The following MTA3 variants were observed in gnomAD, a reference collection of about 807,000 sequenced individuals.
MTA3 encodes metastasis associated 1 family member 3.
In MTA3, 34 loss-of-function variants were observed where a neutral mutation model predicts 83.5. The observed-to-expected ratio is 0.41, with a 90% CI of 0.31 to 0.54. The LOEUF is 0.54. Among genes scored for constraint, MTA3 ranks in the 20% least tolerant of loss-of-function variants. MTA3 has a pLI of 0.33. For synonymous variants in MTA3, 303 were observed against 252.7 expected (o/e 1.20, Z -1.89); for missense variants, 761 against 726.4 (o/e 1.05, Z -0.55).
rs187589461 is a variant in MTA3 at position 42,554,591 on chromosome 2, G to A, written c.-140-15846G>A. Among the ~76,000 whole-genome samples the A allele has an allele frequency of 2.6e-3, 400 of 152,226 alleles. 4 individuals are homozygous for A. Among genetic ancestry groups the A allele is most frequent in the Non-Finnish European group, 2.2e-3 (147 of 68,014 alleles). On this transcript the variant is annotated intron_variant, in intron 2 of 17. Coordinates refer to the MTA3 transcript ENST00000405592. ...GACTGCTGTTGAGATGCAAGTGAGG[G>A]ACCCCACAGGGAGGGAAAAAAAACA...
chr2:42,666,799 CAT>C (rs1029168275), intron 8 of MTA3, among the ~76,000 whole-genome samples: 1 of 151,982 alleles, frequency 6.6e-6, no homozygotes, highest in Non-Finnish European at 1.5e-5. Context: ...TAGTGCCTGG[CAT>C]ATATATATAG....
chr2:42,546,013 T>C (rs1336509536), intron 2 of MTA3, among the ~76,000 whole-genome samples: 4 of 152,144 alleles, frequency 2.6e-5, no homozygotes, highest in African/African-American at 7.2e-5. Context: ...ATGATAATGG[T>C]ACTATTTAAA....
chr2:42,603,436 T>C (rs531842451), intron 3 of MTA3, among the ~76,000 whole-genome samples: 1 of 152,308 alleles, frequency 6.6e-6, no homozygotes, highest in African/African-American at 2.4e-5. Context: ...TAAAATTCCA[T>C]ATGGACTTGG....
chr2:42,719,167 C>T, intron 15 of MTA3, 93 bp downstream of exon 15: 2 of 925,594 alleles, frequency 2.2e-6, no homozygotes, highest in Non-Finnish European at 3.4e-6. Context: ...TAAACTAATT[C>T]AGGCCCTTCA....
chr2:42,647,134 G>A (rs1688274168), intron 6 of MTA3, among the ~76,000 whole-genome samples: 1 of 85,616 alleles, frequency 1.2e-5, no homozygotes, highest in African/African-American at 5.8e-5. Flanking sequence ...TCCAGCCTGG[G>A]TGACAGAGTG....
At chr2:42,585,561 G>A (rs6716590) in intron 3 of MTA3, among the ~76,000 whole-genome samples, 113,354 of 149,084 alleles carry the variant, frequency 0.76, 43,407 homozygotes, top group Middle Eastern at 0.88. Flanking sequence ...TGCAACCTCC[G>A]CCTCGTGGGT....
rs1464345810 is a variant in MTA3, at chr2:42,754,113, C to T, written c.*714C>T. Reference sequence around the variant, plus strand: ...GTTGGAGAGAAACTGGTGTTCTGCCCGGCTCTGCTTGGTCACAGACAGCTC... The same window carrying T: ...GTTGGAGAGAAACTGGTGTTCTGCCTGGCTCTGCTTGGTCACAGACAGCTC... On this transcript the variant is annotated 3_prime_UTR_variant, in exon 17 of 17. Coordinates refer to ENST00000405094, the MANE Select transcript of MTA3 (RefSeq NM_001330442.2). 9.1e-6 allele frequency: 9 copies of T among 985,424 alleles called. No homozygotes were observed. In the South Asian group the frequency reaches 1.4e-4, roughly 15 times the overall value. 61.0% of individuals were successfully genotyped at this position (985,424 alleles called of 1,614,324 possible).
At chr2:42,720,382 C>T (rs1667318526) in intron 15 of MTA3, among the ~76,000 whole-genome samples, 1 of 152,012 alleles carries the variant, frequency 6.6e-6, no homozygotes, top group Admixed American at 6.6e-5. Flanking sequence ...GGGGTTTCAC[C>T]TTGTTAGCCA....
Position 42,708,947 on chromosome 2 carries a change from A to G in MTA3, c.1376A>G (p.Lys459Arg). Residue 459 changes from lysine to arginine, a missense_variant, in exon 14 of 17, where the codon AAG becomes AGG. By Grantham distance (26) the Lys-to-Arg change is conservative (BLOSUM62 2). Transcript: ENST00000405094. ...GMPVRNTGSP[K>R]SAVKTRQAFF... ...CCAGTCCGAAACACTGGGAGTCCAAAGTCTGCAGTGAAGACCCGCCAAGCT... is the reference window on the plus strand; with the variant it reads ...CCAGTCCGAAACACTGGGAGTCCAAGGTCTGCAGTGAAGACCCGCCAAGCT... 6.2e-7 allele frequency: 1 copy of G among 1,614,028 alleles called. No individual in the cohort carries two copies. Among genetic ancestry groups the G allele is most frequent in the Non-Finnish European group, 8.5e-7 (1 of 1,179,888 alleles).
intron 8 of MTA3, among the ~76,000 whole-genome samples, chr2:42,678,667 A>T (rs1691600088): frequency 6.6e-6 from 1 of 152,182 alleles, no homozygotes; most frequent in African/African-American, 2.4e-5. Flanking sequence ...ACCCTTGTTA[A>T]AGCAGTTATT....
chr2:42,645,152 G>T (rs116495326), intron 6 of MTA3, among the ~76,000 whole-genome samples: 4,737 of 148,138 alleles, frequency 0.032, 95 homozygotes, highest in Non-Finnish European at 0.051. Context: ...CTCCAGCCTG[G>T]GTGACAGAGT....
At chr2:42,684,706 T>C (rs577854437) in intron 9 of MTA3, among the ~76,000 whole-genome samples, 6 of 151,582 alleles carry the variant, frequency 4.0e-5, no homozygotes, top group African/African-American at 1.5e-4. Flanking sequence ...GGAGTAGGAG[T>C]TGAGAAACAC....
intron 14 of MTA3, among the ~76,000 whole-genome samples, chr2:42,711,428 A>G (rs543263558): frequency 1.3e-5 from 2 of 152,338 alleles, no homozygotes; most frequent in East Asian, 3.9e-4. Flanking sequence ...GTAATCATAA[A>G]AGAGCAGTCG....
chr2:42,617,228 C>T (rs1685010002), intron 4 of MTA3, among the ~76,000 whole-genome samples: 1 of 152,122 alleles, frequency 6.6e-6, no homozygotes, highest in Admixed American at 6.6e-5. Context: ...ATTAGTATAA[C>T]CAGAAAGATC....
chr2:42,707,121 C>T (rs983562926), intron 12 of MTA3, among the ~76,000 whole-genome samples: 17 of 152,128 alleles, frequency 1.1e-4, no homozygotes, highest in African/African-American at 4.1e-4. Flanking sequence ...TTCACCACCA[C>T]ACCTGGCTGA....
At chr2:42,741,198 TCA>T (rs1669003513) in intron 16 of MTA3, among the ~76,000 whole-genome samples, 1 of 152,230 alleles carries the variant, frequency 6.6e-6, no homozygotes, top group African/African-American at 2.4e-5. Flanking sequence ...CTCACCTCTC[TCA>T]GTCTTCATAG....
intron 7 of MTA3, among the ~76,000 whole-genome samples, chr2:42,656,523 G>A (rs1222882718): frequency 1.3e-5 from 2 of 152,134 alleles, no homozygotes; most frequent in African/African-American, 2.4e-5. Flanking sequence ...TAAGAAAACA[G>A]AAAAGTATAA....
chr2:42,530,163 C>G (rs1675892624), intron 2 of MTA3, among the ~76,000 whole-genome samples: 1 of 139,332 alleles, frequency 7.2e-6, no homozygotes, highest in African/African-American at 2.7e-5. Flanking sequence ...CCAGCTTGGG[C>G]AAAAGAGCAA....
chr2:42,608,523 C>T (rs911320432), intron 3 of MTA3, among the ~76,000 whole-genome samples: 1 of 152,172 alleles, frequency 6.6e-6, no homozygotes, highest in Non-Finnish European at 1.5e-5. Flanking sequence ...CTGATACTTA[C>T]TCCATTCATT....
Sources: allele counts gnomAD v4.1 joint callset (sites outside exome capture counted in the v4.1 genomes callset), GRCh38; gene constraint gnomAD v4.1.1; transcripts MANE v1.5; gene names NCBI Gene and HGNC (gene_info 2026-07-23, HGNC 2026-07-21).